Variants in DAZAP1 observed in about 807,000 individuals in gnomAD.
DAZAP1 encodes the protein DAZ associated protein 1.
A neutral mutation model predicts 60.1 loss-of-function variants in DAZAP1; 6 were observed. The observed-to-expected ratio is 0.10, with a 90% CI of 0.05 to 0.20. DAZAP1 has a LOEUF of 0.20. Ranked by LOEUF, DAZAP1 falls within the 10% of genes least tolerant of loss-of-function variation. DAZAP1 has a pLI of 1.00. For missense variants in DAZAP1, 366 were observed against 560.4 expected, an observed-to-expected ratio of 0.65 and a Z score of 3.50; for synonymous variants, 235 against 215.9, an observed-to-expected ratio of 1.09 and a Z score of -0.78.
chr19:1,429,906 T>C lies in DAZAP1; in HGVS notation c.701-61T>C, dbSNP rs1600241021. 4 of 1,550,428 alleles carry C rather than the reference T, an allele frequency of 2.6e-6. No homozygotes were observed. The South Asian group carries it at 4.8e-5, about 18-fold the overall frequency. ...CTTGACGTCCATGCTCTGCGGCTCC[T>C]TCTCTGCGTCGGACAGCTGGTGGAC... On this transcript the variant is annotated intron_variant, in intron 8 of 11. Coordinates refer to ENST00000233078, the MANE Select transcript of DAZAP1 (RefSeq NM_018959.4).
chr19:1,408,356 G>A (rs1052784702), intron 1 of DAZAP1, among the ~76,000 whole-genome samples: 7 of 152,038 alleles, frequency 4.6e-5, no homozygotes, highest in African/African-American at 1.7e-4. Context: ...CGCCGTCGCC[G>A]CCGCCTCCCG....
chr19:1,425,379 G>C lies in DAZAP1; in HGVS notation c.464-499G>C, dbSNP rs911096183. Among the ~76,000 whole-genome samples the C allele has an allele frequency of 6.6e-6, 1 of 152,184 alleles. No homozygotes were observed. Among genetic ancestry groups the C allele is most frequent in the African/African-American group, 2.4e-5 (1 of 41,444 alleles). On this transcript the variant is annotated intron_variant, in intron 6 of 11. Coordinates refer to ENST00000233078, the MANE Select transcript of DAZAP1 (RefSeq NM_018959.4). The surrounding 1 kb of genome is among the most constrained non-coding windows in gnomAD (Gnocchi z 5.4). Reference sequence around the variant, plus strand: ...TTCAGAGAAGCATACACACATCCACGGTGCACACCCCTGACTAAGATGGCG... The same window carrying C: ...TTCAGAGAAGCATACACACATCCACCGTGCACACCCCTGACTAAGATGGCG...
chr19:1,409,213 G>A (rs1013983520), intron 1 of DAZAP1, among the ~76,000 whole-genome samples: 5 of 152,226 alleles, frequency 3.3e-5, no homozygotes, highest in Admixed American at 3.3e-4. Context: ...TGCAGGGATG[G>A]GCCTGAGCAG....
In DAZAP1 at chr19:1,418,574, G is replaced by A; in HGVS notation, c.238-92G>A. The A allele has an allele frequency of 6.5e-7, 1 of 1,537,252 alleles. No individual in the cohort carries two copies. Among genetic ancestry groups the A allele is most frequent in the Non-Finnish European group, 9.0e-7 (1 of 1,111,606 alleles). On this transcript the variant is annotated intron_variant, in intron 3 of 11. Coordinates refer to ENST00000233078, the MANE Select transcript of DAZAP1 (RefSeq NM_018959.4). This position sits in a 1 kb window ranked among gnomAD's most constrained non-coding sequence, Gnocchi z 5.7. ...GAGCCGGCGGGGCGGGGCGGGCCGG[G>A]CTGCTGTGCCGTGGCTGCTGTTGTG...
rs1338824084 is a variant in DAZAP1, at chr19:1,423,922, CAT to C, written c.463+1527_463+1528del. ...GCACTTCGGGGCCAGCACGTGGCCA[CAT>C]GTCCTTAGCTGTTGGGCTTTGAAAG... On this transcript the variant is annotated intron_variant, in intron 6 of 11. Coordinates refer to ENST00000233078, the MANE Select transcript of DAZAP1 (RefSeq NM_018959.4). The surrounding 1 kb of genome is among the most constrained non-coding windows in gnomAD (Gnocchi z 6.8). Among the ~76,000 whole-genome samples the C allele has an allele frequency of 2.0e-5, 3 of 152,236 alleles. No homozygotes were observed. The highest frequency in any genetic ancestry group is 4.8e-5 in the African/African-American group (2 of 41,464).
rs200858220 is a variant in DAZAP1 at position 1,417,515 on chromosome 19, C to T, written c.45C>T (p.Gly15=). ...TGAATCGCAGGAAGCTCTTCGTGGGCGGTCTTGACTGGAGCACGACCCAAG... is the reference window on the plus strand; with the variant it reads ...TGAATCGCAGGAAGCTCTTCGTGGGTGGTCTTGACTGGAGCACGACCCAAG... ...GADEIGKLFV[G]GLDWSTTQET... is the part of the protein sequence containing the mutation. The change falls in exon 2 of 12, where the codon GGC becomes GGT. Residue 15 remains glycine (G), a synonymous_variant. Coordinates refer to ENST00000233078, the MANE Select transcript of DAZAP1 (RefSeq NM_018959.4). The T allele has an allele frequency of 1.6e-4, 250 of 1,606,416 alleles. 1 individual carries two copies. In the South Asian group the frequency reaches 2.1e-3, roughly 14 times the overall value.
Position 1,423,300 on chromosome 19 carries a change from A to G in DAZAP1, c.463+904A>G, listed in dbSNP as rs2083214201. On this transcript the variant is annotated intron_variant, in intron 6 of 11. Transcript: ENST00000233078. The surrounding 1 kb of genome is among the most constrained non-coding windows in gnomAD (Gnocchi z 6.8). ...GCTGTTAAGTCTTAGTCGTAACTTAATTTAGACATACATGCTTAGTGACGT... is the reference window on the plus strand; with the variant it reads ...GCTGTTAAGTCTTAGTCGTAACTTAGTTTAGACATACATGCTTAGTGACGT... Among the ~76,000 whole-genome samples, 1 of 152,242 alleles carries G rather than the reference A, an allele frequency of 6.6e-6. No homozygotes were observed. Among genetic ancestry groups the G allele is most frequent in the Non-Finnish European group, 1.5e-5 (1 of 68,046 alleles).
At chr19:1,408,057 G>A (rs2082715494) in intron 1 of DAZAP1, among the ~76,000 whole-genome samples, 1 of 151,870 alleles carries the variant, frequency 6.6e-6, no homozygotes, top group Non-Finnish European at 1.5e-5. Flanking sequence ...GAGCCTGAGG[G>A]GTCCGGGGGG....
At chr19:1,408,948 C>G (rs2082746033) in intron 1 of DAZAP1, among the ~76,000 whole-genome samples, 2 of 152,252 alleles carry the variant, frequency 1.3e-5, no homozygotes, top group Non-Finnish European at 2.9e-5. Context: ...CCTGTGTTCT[C>G]AGCGCTGGGC....
rs1432536502 is a variant in DAZAP1 at position 1,434,106 on chromosome 19, G to A, written c.1049-631G>A. On this transcript the variant is annotated intron_variant, in intron 11 of 11. Transcript: ENST00000233078. The surrounding 1 kb of genome is among the most constrained non-coding windows in gnomAD (Gnocchi z 8.0). ...AGCGGGGTGGGGAGCGGCGTGAGCA[G>A]CTCTGTCCTTGTAAAGACACCGCTG... The A allele has an allele frequency of 4.2e-6, 2 of 480,256 alleles. No homozygotes were observed. The highest frequency in any genetic ancestry group is 3.5e-5 in the Admixed American group (1 of 28,232). The allele number at this position is 480,256 out of a possible 1,614,324, so 29.7% of individuals were successfully genotyped here.
intron 5 of DAZAP1, among the ~76,000 whole-genome samples, chr19:1,421,558 T>C (rs1024881773): frequency 1.3e-5 from 2 of 152,266 alleles, no homozygotes; most frequent in African/African-American, 4.8e-5. Flanking sequence ...AGAAGGGCAG[T>C]TACACAGAAA....
rs2082973875 is a variant in DAZAP1 at position 1,416,014 on chromosome 19, C to G, written c.30-1486C>G. The G allele has an allele frequency of 6.6e-6, 1 of 152,226 alleles. No homozygotes were observed. The highest frequency in any genetic ancestry group is 1.5e-5 in the Non-Finnish European group (1 of 68,046). The allele number at this position is 152,226 out of a possible 1,614,324, so 9.4% of individuals were successfully genotyped here. A position where few individuals can be genotyped will look rare whatever the true frequency, so the allele number is the denominator to read the frequency against. ...TTAGGGAAAAAAGAAGGAACAGGGACAAGCTCCTGGCGGTTGGCTGTGGCA... is the reference window on the plus strand; with the variant it reads ...TTAGGGAAAAAAGAAGGAACAGGGAGAAGCTCCTGGCGGTTGGCTGTGGCA... On this transcript the variant is annotated intron_variant, in intron 1 of 11. Coordinates refer to ENST00000233078, the MANE Select transcript of DAZAP1 (RefSeq NM_018959.4). The surrounding 1 kb of genome is among the most constrained non-coding windows in gnomAD (Gnocchi z 4.3).
chr19:1,409,885 C>T (rs4588109), intron 1 of DAZAP1: 1 of 152,298 alleles, frequency 6.6e-6, no homozygotes, highest in Non-Finnish European at 1.5e-5. Context: ...GGAGCTCCCT[C>T]TTCCTGATGC....
intron 8 of DAZAP1, 106 bp from the exon 9 acceptor site, chr19:1,429,851 GCACAGGAGGC>G: frequency 7.7e-7 from 1 of 1,301,822 alleles, no homozygotes; most frequent in Non-Finnish European, 1.1e-6. Flanking sequence ...CAGGCTCTAA[GCACAGGAGGC>G]TCCGGGGTTG....
chr19:1,411,821 C>A (rs979724392), intron 1 of DAZAP1, among the ~76,000 whole-genome samples: 1 of 152,246 alleles, frequency 6.6e-6, no homozygotes, highest in African/African-American at 2.4e-5. Context: ...GCACAGAGGG[C>A]GCTCCTGGTC....
chr19:1,412,711 G>A (rs933203383), intron 1 of DAZAP1, among the ~76,000 whole-genome samples: 13 of 152,206 alleles, frequency 8.5e-5, no homozygotes, highest in Admixed American at 2.6e-4. Flanking sequence ...CGAATGGCAC[G>A]CAGCAAGCGA....
At chr19:1,430,166 G>A in intron 9 of DAZAP1, 56 bp from the exon 10 acceptor site, 1 of 1,561,020 alleles carries the variant, frequency 6.4e-7, no homozygotes, top group Non-Finnish European at 8.7e-7. Context: ...TCTAACTGTG[G>A]CCAGTCTGTG....
In DAZAP1 at chr19:1,418,343, C is replaced by G. The variant is rs777459141; in HGVS notation, c.210C>G (p.Ser70Arg). The G allele has an allele frequency of 1.2e-6, 2 of 1,614,132 alleles. No homozygotes were observed. Among genetic ancestry groups the G allele is most frequent in the Admixed American group, 1.7e-5 (1 of 60,034 alleles). Residue 70 changes from serine to arginine, a missense_variant, in exon 3 of 12, where the codon AGC (serine) becomes AGG (arginine). Coordinates refer to ENST00000233078, the MANE Select transcript of DAZAP1 (RefSeq NM_018959.4). This position sits in a 1 kb window ranked among gnomAD's most constrained non-coding sequence, Gnocchi z 5.7. ...ACTGTGTGGGGACGGTGCTGGCCAGCAGACCGCACACGCTAGATGGCCGAA... is the reference window on the plus strand; with the variant it reads ...ACTGTGTGGGGACGGTGCTGGCCAGGAGACCGCACACGCTAGATGGCCGAA... ...DPNCVGTVLA[S>R]RPHTLDGRNI... is the part of the protein sequence containing the mutation.
chr19:1,417,200 G>C (rs562323940), intron 1 of DAZAP1: 1 of 461,274 alleles, frequency 2.2e-6, no homozygotes, highest in African/African-American at 2.0e-5. Context: ...GCAGGTGAGC[G>C]TGGTGCCGTC....
Sources: allele counts gnomAD v4.1 joint callset (sites outside exome capture counted in the v4.1 genomes callset), GRCh38; gene constraint gnomAD v4.1.1; non-coding constraint Gnocchi (gnomAD v3.1); transcripts MANE v1.5; gene names NCBI Gene and HGNC (gene_info 2026-07-23, HGNC 2026-07-21).